The following PCSK5 variants were observed in gnomAD, a reference collection of about 807,000 sequenced individuals.
PCSK5 encodes the protein proprotein convertase subtilisin/kexin type 5.
Under a neutral mutation model 233.2 loss-of-function variants are expected in PCSK5, and 129 were observed. That is an observed-to-expected ratio of 0.55 (90% CI 0.48 to 0.64). The LOEUF is 0.64. PCSK5 is among the 30% of genes least tolerant of loss of function. PCSK5 has a pLI of 0.00. For missense variants in PCSK5, 2,076 were observed against 2,430.1 expected (o/e 0.85, Z 3.06); for synonymous variants, 825 against 879.2 (o/e 0.94, Z 1.09).
chr9:76,054,905 A>G (rs916615376), intron 5 of PCSK5, among the ~76,000 whole-genome samples: 4 of 152,136 alleles, frequency 2.6e-5, no homozygotes, highest in African/African-American at 9.7e-5. Context: ...TCTTGTTTTT[A>G]AAAGCTTGCT....
intron 37 of PCSK5, among the ~76,000 whole-genome samples, chr9:76,356,317 A>G (rs1240380286): frequency 6.6e-6 from 1 of 151,976 alleles, no homozygotes; most frequent in Non-Finnish European, 1.5e-5. Context: ...GCAATCTGCG[A>G]AAGTATAAAT....
rs150145363 is a variant in PCSK5, at chr9:76,226,298, T to C, written c.2627-1205T>C. On this transcript the variant is annotated intron_variant, in intron 20 of 37. Coordinates refer to ENST00000674117, the MANE Select transcript of PCSK5 (RefSeq NM_001372043.1). ...CACAGTCATCTTTGGGGTTTAGTGC[T>C]AGCAAGTGTAAAATTTACATATATA... Among the ~76,000 whole-genome samples, 600 of 152,334 alleles carry C rather than the reference T, an allele frequency of 3.9e-3. 2 individuals carry two copies. The highest frequency in any genetic ancestry group is 0.014 in the African/African-American group (562 of 41,566).
intron 5 of PCSK5, among the ~76,000 whole-genome samples, chr9:76,033,476 C>T (rs1430830144): frequency 6.6e-6 from 1 of 151,878 alleles, no homozygotes; most frequent in Non-Finnish European, 1.5e-5. Flanking sequence ...CAGTATACTA[C>T]ATAGTAGATA....
intron 20 of PCSK5, among the ~76,000 whole-genome samples, chr9:76,204,344 T>C (rs1422075913): frequency 1.3e-5 from 2 of 152,196 alleles, no homozygotes; most frequent in African/African-American, 4.8e-5. Context: ...AACCTGTGGC[T>C]ACTGGGGTAA....
intron 30 of PCSK5, among the ~76,000 whole-genome samples, chr9:76,311,988 A>C (rs1202942021): frequency 6.6e-6 from 1 of 152,212 alleles, no homozygotes; most frequent in Non-Finnish European, 1.5e-5. Flanking sequence ...GCAAGAATGC[A>C]TCACTGATAC....
intron 24 of PCSK5, among the ~76,000 whole-genome samples, chr9:76,252,472 G>C (rs772680156): frequency 6.6e-6 from 1 of 152,090 alleles, no homozygotes; most frequent in Non-Finnish European, 1.5e-5. Context: ...TGCTCATCTA[G>C]AGCTGTCAGC....
chr9:76,252,746 T>C (rs2803421), intron 24 of PCSK5, among the ~76,000 whole-genome samples: 59,907 of 152,038 alleles, frequency 0.39, 12,081 homozygotes, highest in Non-Finnish European at 0.44. Context: ...AAGCTTCAAA[T>C]CTAGGACTTA....
rs547845652 is a variant in PCSK5, at chr9:76,271,539, A to G, written c.3143-20694A>G. Among the ~76,000 whole-genome samples, 4 of 152,322 alleles carry G rather than the reference A, an allele frequency of 2.6e-5. No individual in the cohort carries two copies. The South Asian group carries it at 8.3e-4, about 32-fold the overall frequency. On this transcript the variant is annotated intron_variant, in intron 24 of 37. Transcript: ENST00000674117. Reference sequence around the variant, plus strand: ...CCCAGAGCTGCTGCCACAAAGTACTATAAAATGAGTGGCTTAGGCCGGCAG... The same window carrying G: ...CCCAGAGCTGCTGCCACAAAGTACTGTAAAATGAGTGGCTTAGGCCGGCAG...
At chr9:76,316,898 T>C (rs1391738370) in intron 30 of PCSK5, among the ~76,000 whole-genome samples, 1 of 152,164 alleles carries the variant, frequency 6.6e-6, no homozygotes, top group African/African-American at 2.4e-5. Flanking sequence ...AGACTTTGTT[T>C]GAGCAAAGTA....
Position 76,358,494 on chromosome 9 carries a change from T to C in PCSK5, c.5255-19T>C. 3.1e-6 allele frequency: 5 copies of C among 1,593,878 alleles called. No individual in the cohort carries two copies. The highest frequency in any genetic ancestry group is 4.3e-6 in the Non-Finnish European group (5 of 1,165,180). ...ACTTTTTCCCTCTTGCCTCTTCCTT[T>C]GAGGTCTTCTTCCAACAGACGAATG... On this transcript the variant is annotated intron_variant, in intron 37 of 37. Coordinates refer to ENST00000674117, the MANE Select transcript of PCSK5 (RefSeq NM_001372043.1).
intron 3 of PCSK5, among the ~76,000 whole-genome samples, chr9:76,010,864 CT>C (rs1827701771): frequency 6.6e-6 from 1 of 152,170 alleles, no homozygotes; most frequent in African/African-American, 2.4e-5. Context: ...AACGTTATTC[CT>C]TTCATTAATG....
At chr9:76,110,171 C>T (rs542886151) in intron 9 of PCSK5, among the ~76,000 whole-genome samples, 2 of 152,276 alleles carry the variant, frequency 1.3e-5, no homozygotes, top group African/African-American at 2.4e-5. Context: ...GAGAGAAAGC[C>T]ACAGCTCTAG....
At chr9:76,176,505 A>G (rs1042538056) in intron 14 of PCSK5, among the ~76,000 whole-genome samples, 1 of 152,160 alleles carries the variant, frequency 6.6e-6, no homozygotes, top group Non-Finnish European at 1.5e-5. Context: ...ATGATTTTTA[A>G]GTCTCCCTTT....
chr9:75,976,774 A>G (rs1177416466), intron 2 of PCSK5, among the ~76,000 whole-genome samples: 1 of 151,804 alleles, frequency 6.6e-6, no homozygotes, highest in African/African-American at 2.4e-5. Context: ...AATATTTAAT[A>G]TCAAAATATT....
chr9:76,287,655 T>A (rs1359268995), intron 24 of PCSK5: 3 of 152,222 alleles, frequency 2.0e-5, no homozygotes, highest in Admixed American at 2.0e-4. Flanking sequence ...GAGACGGGGT[T>A]TCATCATGTT....
At chr9:76,272,546 G>T (rs373955330) in intron 24 of PCSK5, among the ~76,000 whole-genome samples, 1 of 151,770 alleles carries the variant, frequency 6.6e-6, no homozygotes, top group African/African-American at 2.4e-5. Context: ...AGGCTGAGAC[G>T]GGCGGATCAC....
At chr9:75,890,486 G>C (rs970451419), upstream of PCSK5, among the ~76,000 whole-genome samples, 1 of 152,168 alleles carries the variant, frequency 6.6e-6, no homozygotes, top group Non-Finnish European at 1.5e-5. Flanking sequence ...GGAAAGACTT[G>C]CCTTTACTGC....
Position 76,338,240 on chromosome 9 carries a change from G to A in PCSK5, c.4759G>A (p.Asp1587Asn), listed in dbSNP as rs761740360. ...LLQCREGYYA[D>N]NSTGRCERCN... The stretch of plus-strand genomic sequence containing the variant: ...CTCCTTTGGTTTCAGATATTACGCA[G>A]ACAACTCCACTGGCCGGTGTGAGAG... Residue 1587 changes from aspartate (D) to asparagine (N), a missense_variant, in exon 35 of 38, where the codon GAC becomes AAC. By Grantham distance (23) the Asp-to-Asn change is conservative. This residue lies in a region of PCSK5 where 1,510 missense variants were observed against 1,538.1 expected (regional missense o/e 0.98). Transcript: ENST00000674117. The A allele has an allele frequency of 1.9e-6, 3 of 1,611,452 alleles. No individual in the cohort carries two copies. Among genetic ancestry groups the A allele is most frequent in the Non-Finnish European group, 2.5e-6 (3 of 1,179,132 alleles).
intron 27 of PCSK5, among the ~76,000 whole-genome samples, chr9:76,299,364 G>T (rs1268127632): frequency 6.6e-6 from 1 of 152,154 alleles, no homozygotes; most frequent in Admixed American, 6.6e-5. Flanking sequence ...TCCCTAAATG[G>T]CAGGAATAAA....
Sources: gnomAD v4.1 joint callset for allele counts (sites outside exome capture counted in the v4.1 genomes callset) on GRCh38, gnomAD v4.1.1 for gene constraint, gnomAD v4.1.1 regional missense constraint, MANE v1.5 for transcripts, NCBI Gene and HGNC (gene_info 2026-07-23, HGNC 2026-07-21) for gene names.